The following KCNJ16 variants were observed in gnomAD, a reference collection of about 807,000 sequenced individuals.
KCNJ16 encodes potassium inwardly rectifying channel subfamily J member 16.
A neutral mutation model predicts 18.5 loss-of-function variants in KCNJ16; 15 were observed. The observed-to-expected ratio is 0.81, with a 90% confidence interval of 0.54 to 1.25. The LOEUF is 1.25. Among genes scored for constraint, KCNJ16 ranks in the 50% most tolerant of loss-of-function variants. The pLI is 0.00. For missense variants in KCNJ16, 523 were observed against 525.7 expected (o/e 0.99, Z 0.05); for synonymous variants, 174 against 186.5 (o/e 0.93, Z 0.55).
At position 70,135,330 on chromosome 17, in the gene KCNJ16, G is replaced by C. The variant is rs945444527; in HGVS notation, c.*1986G>C. ...AAACACTTAAAAATATTTTTAGCTTGTTTTACCTACATCTAGTTTCATTTC... is the reference window on the plus strand; with the variant it reads ...AAACACTTAAAAATATTTTTAGCTTCTTTTACCTACATCTAGTTTCATTTC... On this transcript the variant is annotated 3_prime_UTR_variant, in exon 4 of 4. Coordinates refer to ENST00000392671, the MANE Select transcript of KCNJ16 (RefSeq NM_170741.4). 5.4e-5 allele frequency: 9 copies of C among 166,918 alleles called. No individual in the cohort carries two copies. The highest frequency in any genetic ancestry group is 2.2e-4 in the African/African-American group (9 of 41,406). 10.3% of individuals were successfully genotyped at this position (166,918 alleles called of 1,614,324 possible).
At chr17:70,116,287 ATAGAG>A (rs1424571117) in intron 2 of KCNJ16, among the ~76,000 whole-genome samples, 1 of 152,126 alleles carries the variant, frequency 6.6e-6, no homozygotes, top group Non-Finnish European at 1.5e-5. Context: ...TTTAATGGCT[ATAGAG>A]TAATCATATG....
chr17:70,087,510 T>C (rs1340599268), intron 1 of KCNJ16, among the ~76,000 whole-genome samples: 3 of 152,130 alleles, frequency 2.0e-5, no homozygotes, highest in Non-Finnish European at 4.4e-5. Context: ...GAGATCAGCC[T>C]GGCCAACATG....
chr17:70,120,555 C>T (rs1461153638), intron 2 of KCNJ16, among the ~76,000 whole-genome samples: 1 of 152,140 alleles, frequency 6.6e-6, no homozygotes, highest in Non-Finnish European at 1.5e-5. Context: ...CTGGGGTTGC[C>T]TCAGAAAGTT....
At chr17:70,089,611 C>G (rs1238702857) in intron 1 of KCNJ16, among the ~76,000 whole-genome samples, 1 of 152,158 alleles carries the variant, frequency 6.6e-6, no homozygotes, top group Non-Finnish European at 1.5e-5. Flanking sequence ...TCCATAGTTG[C>G]TGTAGTCTAT....
intron 1 of KCNJ16, among the ~76,000 whole-genome samples, chr17:70,088,726 G>A (rs2071951690): frequency 6.6e-6 from 1 of 151,122 alleles, no homozygotes; most frequent in Non-Finnish European, 1.5e-5. Context: ...AATCAAATAA[G>A]GCCAAGTGAT....
At chr17:70,083,799 C>T (rs533191190) in intron 1 of KCNJ16, among the ~76,000 whole-genome samples, 1 of 152,248 alleles carries the variant, frequency 6.6e-6, no homozygotes, top group Admixed American at 6.5e-5. Context: ...GCTGACATCC[C>T]TGTATCTGGC....
At chr17:70,094,321 A>AT (rs1170046666) in intron 1 of KCNJ16, among the ~76,000 whole-genome samples, 3 of 152,190 alleles carry the variant, frequency 2.0e-5, no homozygotes, top group Non-Finnish European at 2.9e-5. Context: ...TTAGGTCTTT[A>AT]TTTTCATGGC....
rs981600639 is a variant in KCNJ16 at position 70,133,417 on chromosome 17, G to C, written c.*73G>C. On this transcript the variant is annotated 3_prime_UTR_variant, in exon 4 of 4. Transcript: ENST00000392671. ...AGCCAATCAAGTCGTTGTAAACGTG[G>C]CTTTTTTGAAAGTGTTATGGCTATG... is the stretch of plus-strand genomic sequence containing the variant. 2 of 1,372,368 alleles carry C rather than the reference G, an allele frequency of 1.5e-6. No individual in the cohort carries two copies. The highest frequency in any genetic ancestry group is 2.9e-5 in the African/African-American group (2 of 68,556). 85.0% of individuals were successfully genotyped at this position (1,372,368 alleles called of 1,614,324 possible). A position where few individuals can be genotyped will look rare whatever the true frequency, so the allele number is the denominator to read the frequency against.
At chr17:70,131,472 G>C in intron 3 of KCNJ16, 2 of 998,928 alleles carry the variant, frequency 2.0e-6, no homozygotes, top group Non-Finnish European at 2.4e-6. Context: ...CAAGCACCAG[G>C]TGCTGAAGGT....
At chr17:70,129,674 A>G (rs1259635815) in intron 2 of KCNJ16, among the ~76,000 whole-genome samples, 2 of 152,354 alleles carry the variant, frequency 1.3e-5, no homozygotes, top group African/African-American at 4.8e-5. Flanking sequence ...ATCAGGAAAC[A>G]TGGTGAGCTT....
intron 1 of KCNJ16, among the ~76,000 whole-genome samples, chr17:70,087,518 A>C (rs2071864903): frequency 6.6e-6 from 1 of 152,096 alleles, no homozygotes; most frequent in Non-Finnish European, 1.5e-5. Flanking sequence ...CCTGGCCAAC[A>C]TGGTGAAACC....
At chr17:70,127,340 T>A (rs1221327873) in intron 2 of KCNJ16, among the ~76,000 whole-genome samples, 1 of 152,012 alleles carries the variant, frequency 6.6e-6, no homozygotes, top group Non-Finnish European at 1.5e-5. Flanking sequence ...AGGTTCTGGG[T>A]AAAGCAAGAG....
chr17:70,126,259 G>C (rs1231497860), intron 2 of KCNJ16, among the ~76,000 whole-genome samples: 1 of 152,146 alleles, frequency 6.6e-6, no homozygotes, highest in Non-Finnish European at 1.5e-5. Context: ...GGGTCTGTTA[G>C]GTCGTAGGTC....
chr17:70,132,604 G>T lies in KCNJ16; in HGVS notation c.517G>T (p.Ala173Ser), dbSNP rs746361558. Residue 173 changes from alanine to serine, a missense_variant, in exon 4 of 4, where the codon GCA (alanine) becomes TCA (serine). Transcript: ENST00000392671. ...CATTGGAGCTGCCTTGGCCAAAATG[G>T]CAACTGCTCGAAAGAGAGCCCAAAC... ...FIIGAALAKM[A>S]TARKRAQTIR... 4 of 1,614,156 alleles carry T rather than the reference G, an allele frequency of 2.5e-6. No homozygotes were observed. Among genetic ancestry groups the T allele is most frequent in the Non-Finnish European group, 3.4e-6 (4 of 1,180,030 alleles).
chr17:70,096,790 C>A, intron 1 of KCNJ16: 1 of 389,666 alleles, frequency 2.6e-6, no homozygotes, highest in Non-Finnish European at 4.5e-6. Context: ...GAGTTTCTGC[C>A]TCAGTGTTCT....
At chr17:70,108,583 G>A (rs910260199) in intron 2 of KCNJ16, among the ~76,000 whole-genome samples, 1 of 151,968 alleles carries the variant, frequency 6.6e-6, no homozygotes, top group Non-Finnish European at 1.5e-5. Flanking sequence ...TTTGAAGGAG[G>A]GTCCTGTTCC....
intron 2 of KCNJ16, among the ~76,000 whole-genome samples, chr17:70,115,801 T>A (rs1567797863): frequency 6.6e-6 from 1 of 152,216 alleles, no homozygotes; most frequent in Non-Finnish European, 1.5e-5. Context: ...GATCTGGTTT[T>A]ACTTAGATGA....
At chr17:70,110,414 G>A (rs188150151) in intron 2 of KCNJ16, among the ~76,000 whole-genome samples, 2 of 152,076 alleles carry the variant, frequency 1.3e-5, no homozygotes, top group East Asian at 3.9e-4. Flanking sequence ...TAGAGCCTAC[G>A]AGGAGACTGG....
intron 2 of KCNJ16, among the ~76,000 whole-genome samples, chr17:70,114,474 T>C (rs895384450): frequency 1.5e-4 from 23 of 152,224 alleles, no homozygotes; most frequent in African/African-American, 5.1e-4. Flanking sequence ...TTACATTTGT[T>C]TTGAAATGCA....
Sources: allele counts gnomAD v4.1 joint callset (sites outside exome capture counted in the v4.1 genomes callset), GRCh38; gene constraint gnomAD v4.1.1; transcripts MANE v1.5; gene names NCBI Gene and HGNC (gene_info 2026-07-23, HGNC 2026-07-21).